SLC39A11: variants seen among roughly 807,000 people sequenced by gnomAD.
The protein encoded by SLC39A11 is zinc transporter ZIP11.
SLC39A11 carries 33 observed loss-of-function variants against 36.1 expected under a neutral mutation model. The ratio of observed to expected loss-of-function variants is 0.91; its 90% CI spans 0.69 to 1.22. The LOEUF is 1.22. Among genes scored for constraint, SLC39A11 ranks in the 50% most tolerant of loss-of-function variants. The pLI, the probability that SLC39A11 is intolerant of heterozygous loss-of-function variation, is 0.00. For synonymous variants in SLC39A11, 166 were observed against 170.3 expected (o/e 0.97, Z 0.20); for missense variants, 432 against 430.3 (o/e 1.00, Z -0.03).
chr17:72,870,297 CA>C (rs2080541314), intron 5 of SLC39A11, among the ~76,000 whole-genome samples: 1 of 139,810 alleles, frequency 7.2e-6, no homozygotes, highest in African/African-American at 2.7e-5. Flanking sequence ...AGCAGAGGCC[CA>C]GATTATCTCT....
intron 6 of SLC39A11, among the ~76,000 whole-genome samples, chr17:72,817,403 T>G (rs183982944): frequency 1.6e-3 from 237 of 151,994 alleles, no homozygotes; most frequent in Middle Eastern, 0.01. Flanking sequence ...AACAACCAAT[T>G]CTTGCTGGAA....
chr17:73,012,323 T>C (rs773906068), intron 4 of SLC39A11, among the ~76,000 whole-genome samples: 17 of 152,064 alleles, frequency 1.1e-4, no homozygotes, highest in Admixed American at 5.2e-4. Context: ...ATTTGTAACA[T>C]AGAGGATAAA....
intron 6 of SLC39A11, among the ~76,000 whole-genome samples, chr17:72,739,028 G>C (rs757947974): frequency 6.6e-6 from 1 of 151,574 alleles, no homozygotes; most frequent in Non-Finnish European, 1.5e-5. Flanking sequence ...AAGGAATAAG[G>C]TGTTCTTTTT....
chr17:72,992,432 C>A (rs1219791307), intron 4 of SLC39A11, among the ~76,000 whole-genome samples: 3 of 152,166 alleles, frequency 2.0e-5, no homozygotes, highest in Admixed American at 1.3e-4. Context: ...GGCATCTTTT[C>A]ATGTGTTTAT....
intron 4 of SLC39A11, among the ~76,000 whole-genome samples, chr17:72,952,495 C>T (rs568136931): frequency 6.6e-6 from 1 of 152,154 alleles, no homozygotes; most frequent in Non-Finnish European, 1.5e-5. Flanking sequence ...GCCATGGAGC[C>T]CCATCTGCTC....
chr17:72,826,734 T>C (rs1028312150), intron 6 of SLC39A11, among the ~76,000 whole-genome samples: 7 of 152,148 alleles, frequency 4.6e-5, no homozygotes, highest in African/African-American at 1.7e-4. Flanking sequence ...CAAGGTATGA[T>C]AAACACGTGA....
intron 6 of SLC39A11, among the ~76,000 whole-genome samples, chr17:72,753,010 C>T (rs1482345114): frequency 6.6e-6 from 1 of 152,080 alleles, no homozygotes; most frequent in Non-Finnish European, 1.5e-5. Context: ...TGCATGCCAC[C>T]ATGCCCAGCT....
chr17:72,838,201 G>A, intron 6 of SLC39A11: 1 of 393,156 alleles, frequency 2.5e-6, no homozygotes, highest in Non-Finnish European at 4.5e-6. Flanking sequence ...TAAAACCACT[G>A]AATTGTGAAA....
At chr17:72,926,261 T>C (rs1033211450) in intron 5 of SLC39A11, among the ~76,000 whole-genome samples, 2 of 152,244 alleles carry the variant, frequency 1.3e-5, no homozygotes, top group Non-Finnish European at 2.9e-5. Flanking sequence ...ATGACAAATA[T>C]GTAGAGAGTG....
chr17:72,683,258 C>T (rs542083985), intron 7 of SLC39A11, among the ~76,000 whole-genome samples: 34 of 152,116 alleles, frequency 2.2e-4, no homozygotes, highest in African/African-American at 7.2e-4. Context: ...AAGTATACAC[C>T]CCCATGGAAG....
chr17:72,870,712 C>G (rs755008329), intron 5 of SLC39A11, among the ~76,000 whole-genome samples: 12 of 152,242 alleles, frequency 7.9e-5, no homozygotes, highest in Non-Finnish European at 1.6e-4. Context: ...GGATTTGCCT[C>G]AAGCATCCTT....
chr17:73,077,405 C>T (rs1019527477), intron 3 of SLC39A11, among the ~76,000 whole-genome samples: 2 of 152,246 alleles, frequency 1.3e-5, no homozygotes, highest in African/African-American at 4.8e-5. Flanking sequence ...GCAGCCTCTG[C>T]CTCCCAGGCT....
At chr17:72,995,626 A>ACT (rs1370796369) in intron 4 of SLC39A11, among the ~76,000 whole-genome samples, 1 of 151,860 alleles carries the variant, frequency 6.6e-6, no homozygotes, top group Non-Finnish European at 1.5e-5. Flanking sequence ...CCATGAATTC[A>ACT]CTCTCTCTCG....
At chr17:72,887,560 C>A (rs1022567908) in intron 5 of SLC39A11, among the ~76,000 whole-genome samples, 1 of 152,190 alleles carries the variant, frequency 6.6e-6, no homozygotes, top group East Asian at 1.9e-4. Flanking sequence ...TCCCGTCTTC[C>A]GTCATAACGA....
At chr17:72,935,668 C>T (rs1319117076) in intron 5 of SLC39A11, among the ~76,000 whole-genome samples, 3 of 152,192 alleles carry the variant, frequency 2.0e-5, no homozygotes, top group Non-Finnish European at 2.9e-5. Flanking sequence ...CCTCTACCTC[C>T]CGGGTCCCGG....
At chr17:73,002,037 A>G (rs2089852956) in intron 4 of SLC39A11, among the ~76,000 whole-genome samples, 1 of 152,150 alleles carries the variant, frequency 6.6e-6, no homozygotes, top group Non-Finnish European at 1.5e-5. Context: ...TGCTCTTAGG[A>G]TATTCCAGGC....
chr17:73,022,595 TAAAAAAAAAAAAAA>T (rs10675859), intron 4 of SLC39A11, among the ~76,000 whole-genome samples: 1 of 56,764 alleles, frequency 1.8e-5, no homozygotes, highest in Non-Finnish European at 2.8e-5. Context: ...AACTCCATCT[TAAAAAAAAAAAAAA>T]AAAAAAAAAA....
chr17:73,001,256 C>CAGTT (rs59161968), intron 4 of SLC39A11, among the ~76,000 whole-genome samples: 82,582 of 150,834 alleles, frequency 0.55, 24,009 homozygotes, highest in Middle Eastern at 0.78. Flanking sequence ...AATTTTATTC[C>CAGTT]AGTTAGTTAG....
intron 6 of SLC39A11, among the ~76,000 whole-genome samples, chr17:72,805,139 G>C (rs1471503693): frequency 6.6e-6 from 1 of 152,154 alleles, no homozygotes; most frequent in African/African-American, 2.4e-5. Context: ...CCGCCCTCCT[G>C]TGTGTGTAAA....
Sources: allele counts gnomAD v4.1 joint callset (sites outside exome capture counted in the v4.1 genomes callset), GRCh38; gene constraint gnomAD v4.1.1; transcripts MANE v1.5; gene names NCBI Gene and HGNC (gene_info 2026-07-23, HGNC 2026-07-21).